The following LRCH1 variants were observed in gnomAD, a reference collection of about 807,000 sequenced individuals.
LRCH1 encodes the protein leucine-rich repeat and calponin homology domain-containing protein 1.
Under a neutral mutation model 94.9 loss-of-function variants are expected in LRCH1, and 23 were observed. The observed-to-expected ratio is 0.24, with a 90% CI of 0.17 to 0.34. LRCH1 has a LOEUF of 0.34. Ranked by LOEUF, LRCH1 falls within the 10% of genes least tolerant of loss-of-function variation. The pLI is 1.00. For synonymous variants in LRCH1, 364 were observed against 354.9 expected, an observed-to-expected ratio of 1.03 and a Z score of -0.29; for missense variants, 790 against 945.9, an observed-to-expected ratio of 0.84 and a Z score of 2.16.
At chr13:46,601,022 T>A (rs2050622189) in intron 1 of LRCH1, among the ~76,000 whole-genome samples, 1 of 152,200 alleles carries the variant, frequency 6.6e-6, no homozygotes, top group African/African-American at 2.4e-5. Context: ...TTCCATAGAA[T>A]CAGATCTATA....
chr13:46,707,663 C>T (rs1871835236), intron 13 of LRCH1, among the ~76,000 whole-genome samples: 1 of 152,132 alleles, frequency 6.6e-6, no homozygotes, highest in South Asian at 2.1e-4. Context: ...TTTTAATACA[C>T]AATTGGATGG....
At chr13:46,741,609 C>A in intron 19 of LRCH1, 33 bp from the exon 20 acceptor site, 2 of 1,613,748 alleles carry the variant, frequency 1.2e-6, no homozygotes, top group East Asian at 2.2e-5. Context: ...TATGCACTGT[C>A]TCTTTCTGTT....
chr13:46,646,265 G>A (rs1283765618), intron 1 of LRCH1, among the ~76,000 whole-genome samples: 1 of 152,148 alleles, frequency 6.6e-6, no homozygotes, highest in African/African-American at 2.4e-5. Flanking sequence ...GGGAGAATGA[G>A]ACAGAGATGT....
At chr13:46,583,307 T>C (rs1466156026) in intron 1 of LRCH1, among the ~76,000 whole-genome samples, 1 of 152,240 alleles carries the variant, frequency 6.6e-6, no homozygotes, top group African/African-American at 2.4e-5. Flanking sequence ...TAAAGAAATA[T>C]AGCCCATGAG....
chr13:46,572,129 G>A (rs1449570304), intron 1 of LRCH1, among the ~76,000 whole-genome samples: 1 of 152,200 alleles, frequency 6.6e-6, no homozygotes, highest in Non-Finnish European at 1.5e-5. Flanking sequence ...CCAGCACAGG[G>A]CTGAGGCCAT....
intron 3 of LRCH1, among the ~76,000 whole-genome samples, chr13:46,670,916 T>C (rs1355883615): frequency 6.6e-6 from 1 of 152,138 alleles, no homozygotes; most frequent in Non-Finnish European, 1.5e-5. Flanking sequence ...TAGGAAGCCG[T>C]TTAATCCTGC....
At position 46,553,582 on chromosome 13, in the gene LRCH1, T is replaced by C. The variant is rs1327877031; in HGVS notation, c.186T>C (p.Gly62=). 1 of 1,552,250 alleles carries C rather than the reference T, an allele frequency of 6.4e-7. No homozygotes were observed. Among genetic ancestry groups the C allele is most frequent in the Non-Finnish European group, 8.7e-7 (1 of 1,148,456 alleles). ...SGGFNLPLNR[G]LERALEEAAN... is the part of the protein sequence containing the mutation. Reference sequence around the variant, plus strand: ...GCTTCAACCTGCCCTTGAACCGGGGTCTGGAGCGCGCGCTTGAGGAGGCGG... The same window carrying C: ...GCTTCAACCTGCCCTTGAACCGGGGCCTGGAGCGCGCGCTTGAGGAGGCGG... The change falls in exon 1 of 20, where the codon GGT becomes GGC. Residue 62 remains glycine, a synonymous_variant. Coordinates refer to ENST00000389797, the MANE Select transcript of LRCH1 (RefSeq NM_001164211.2).
At chr13:46,592,590 C>T (rs984883945) in intron 1 of LRCH1, among the ~76,000 whole-genome samples, 2 of 152,184 alleles carry the variant, frequency 1.3e-5, no homozygotes, top group Admixed American at 1.3e-4. Flanking sequence ...AATTTCTTAT[C>T]TGTAAAATGA....
chr13:46,557,368 G>A (rs1213155737), intron 1 of LRCH1, among the ~76,000 whole-genome samples: 3 of 151,068 alleles, frequency 2.0e-5, no homozygotes, highest in Non-Finnish European at 3.0e-5. Flanking sequence ...TAAGGAAAGT[G>A]GGGAATATTT....
intron 1 of LRCH1, among the ~76,000 whole-genome samples, chr13:46,642,893 T>C (rs1167094078): frequency 6.6e-6 from 1 of 151,352 alleles, no homozygotes; most frequent in East Asian, 2.0e-4. Flanking sequence ...TTTCTGGCTA[T>C]GAACCCCAGG....
At chr13:46,720,342 G>A (rs1465816203) in intron 16 of LRCH1, among the ~76,000 whole-genome samples, 2 of 151,830 alleles carry the variant, frequency 1.3e-5, no homozygotes, top group Non-Finnish European at 2.9e-5. Context: ...AGCCGAGATC[G>A]CACCATTGCA....
intron 1 of LRCH1, among the ~76,000 whole-genome samples, chr13:46,614,435 T>G (rs1199318167): frequency 6.6e-6 from 1 of 152,122 alleles, no homozygotes; most frequent in Non-Finnish European, 1.5e-5. Context: ...AAGTCACAAA[T>G]ACCTGCCAAA....
At chr13:46,673,792 T>G (rs2051634367) in intron 3 of LRCH1, among the ~76,000 whole-genome samples, 1 of 138,676 alleles carries the variant, frequency 7.2e-6, no homozygotes, top group Admixed American at 7.8e-5. Flanking sequence ...TCTTGCTCTG[T>G]CACCCAGGCT....
At chr13:46,644,246 A>G (rs534166115) in intron 1 of LRCH1, among the ~76,000 whole-genome samples, 1 of 152,296 alleles carries the variant, frequency 6.6e-6, no homozygotes, top group Admixed American at 6.5e-5. Context: ...TGAATTGGTC[A>G]ATGCGTGGTA....
chr13:46,650,384 A>G, intron 2 of LRCH1, 39 bp downstream of exon 2: 1 of 1,516,944 alleles, frequency 6.6e-7, no homozygotes, highest in African/African-American at 1.4e-5. Context: ...ATTCAGTGAA[A>G]GAAATAAAAA....
intron 1 of LRCH1, among the ~76,000 whole-genome samples, chr13:46,592,136 G>A (rs73485925): frequency 0.026 from 3,970 of 152,294 alleles, 164 homozygotes; most frequent in African/African-American, 0.09. Flanking sequence ...AGGAACAGTT[G>A]GGCAGCTTTT....
At chr13:46,745,702 A>G (rs1341421214), downstream of LRCH1, among the ~76,000 whole-genome samples, 1 of 152,224 alleles carries the variant, frequency 6.6e-6, no homozygotes, top group Admixed American at 6.5e-5. Context: ...TAACACACAG[A>G]TAGTTTTAAA....
At position 46,669,167 on chromosome 13, in the gene LRCH1, G is replaced by A. The variant is rs368256541; in HGVS notation, c.579+11G>A. On this transcript the variant is annotated intron_variant, in intron 3 of 19. Coordinates refer to ENST00000389797, the MANE Select transcript of LRCH1 (RefSeq NM_001164211.2). ...CAGTTAATGGAGCTGGTATGTTACC[G>A]ATTTTTAAGATGCTCTTTTTTGTTG... is the stretch of plus-strand genomic sequence containing the variant. 3.1e-6 allele frequency: 5 copies of A among 1,612,104 alleles called. No individual in the cohort carries two copies. The highest frequency in any genetic ancestry group is 2.7e-5 in the African/African-American group (2 of 74,882).
chr13:46,582,719 T>TCGGG (rs2050387437), intron 1 of LRCH1, among the ~76,000 whole-genome samples: 1 of 142,352 alleles, frequency 7.0e-6, no homozygotes, highest in Non-Finnish European at 1.5e-5. Flanking sequence ...CAGGCTGGTC[T>TCGGG]TGAACTTCTC....
Sources: allele counts gnomAD v4.1 joint callset (sites outside exome capture counted in the v4.1 genomes callset), GRCh38; gene constraint gnomAD v4.1.1; transcripts MANE v1.5; gene names NCBI Gene and HGNC (gene_info 2026-07-23, HGNC 2026-07-21).